Variants in SHC3 observed in about 807,000 individuals in gnomAD.
SHC3 encodes the protein SHC adaptor protein 3.
Under a neutral mutation model 60.4 loss-of-function variants are expected in SHC3, and 15 were observed. That is an observed-to-expected ratio of 0.25 (90% CI 0.17 to 0.38). The LOEUF (loss-of-function observed/expected upper bound fraction) is 0.38. Among genes scored for constraint, SHC3 ranks in the 10% least tolerant of loss-of-function variants. The probability of loss-of-function intolerance (pLI) is 1.00; values close to 1 mark genes in which losing one functional copy is unlikely to be tolerated. For missense variants in SHC3, 677 were observed against 786.1 expected (o/e 0.86, Z 1.66); for synonymous variants, 294 against 325.9 (o/e 0.90, Z 1.05).
intron 10 of SHC3, among the ~76,000 whole-genome samples, chr9:89,040,684 C>G (rs1334202983): frequency 6.6e-6 from 1 of 152,228 alleles, no homozygotes; most frequent in Non-Finnish European, 1.5e-5. Flanking sequence ...AGTGGCTTCA[C>G]ATTTCTCAAG....
chr9:89,136,043 A>C (rs1826314853), intron 1 of SHC3, among the ~76,000 whole-genome samples: 2 of 152,310 alleles, frequency 1.3e-5, no homozygotes, highest in Middle Eastern at 3.4e-3. Flanking sequence ...TCAGAGCTCA[A>C]GAGTCATGAA....
intron 2 of SHC3, chr9:89,110,485 C>A (rs1449205488): frequency 1.0e-6 from 1 of 982,558 alleles, no homozygotes; most frequent in African/African-American, 1.8e-5. Flanking sequence ...CACTTAGTTA[C>A]CATGGAGACC....
At chr9:89,025,720 G>A (rs1201450486) in intron 11 of SHC3, among the ~76,000 whole-genome samples, 1 of 152,162 alleles carries the variant, frequency 6.6e-6, no homozygotes, top group Non-Finnish European at 1.5e-5. Context: ...ATTCCAGCCT[G>A]ACTCTAGCAT....
intron 9 of SHC3, among the ~76,000 whole-genome samples, chr9:89,043,235 G>A (rs1430938354): frequency 6.6e-6 from 1 of 152,196 alleles, no homozygotes; most frequent in Non-Finnish European, 1.5e-5. Flanking sequence ...CAGGCTGTAG[G>A]TGTGAGAATG....
At chr9:89,158,479 A>G (rs1030070545) in intron 1 of SHC3, among the ~76,000 whole-genome samples, 2 of 152,170 alleles carry the variant, frequency 1.3e-5, no homozygotes, top group African/African-American at 4.8e-5. Flanking sequence ...CTTGAAAAGA[A>G]TGTTTACTCT....
At chr9:89,065,418 T>A (rs1258373622) in intron 6 of SHC3, 111 bp downstream of exon 6, 7 of 1,114,344 alleles carry the variant, frequency 6.3e-6, no homozygotes. Flanking sequence ...TAATACAAGA[T>A]GGCACTACTC....
intron 1 of SHC3, among the ~76,000 whole-genome samples, chr9:89,140,085 T>A (rs1484847890): frequency 6.6e-6 from 1 of 152,240 alleles, no homozygotes; most frequent in Non-Finnish European, 1.5e-5. Flanking sequence ...CTAAAAGCCA[T>A]TAGACTTTTT....
intron 1 of SHC3, among the ~76,000 whole-genome samples, chr9:89,154,337 T>C (rs1826591359): frequency 6.6e-6 from 1 of 152,204 alleles, no homozygotes; most frequent in African/African-American, 2.4e-5. Context: ...TTAAGTAAAG[T>C]TGTCCATGTG....
At chr9:89,069,523 G>C (rs1400510713) in intron 5 of SHC3, among the ~76,000 whole-genome samples, 1 of 152,206 alleles carries the variant, frequency 6.6e-6, no homozygotes, top group Non-Finnish European at 1.5e-5. Flanking sequence ...TGACCCTATG[G>C]AATGGCAGAT....
chr9:89,153,421 A>T (rs1442863275), intron 1 of SHC3, among the ~76,000 whole-genome samples: 1 of 152,150 alleles, frequency 6.6e-6, no homozygotes, highest in Non-Finnish European at 1.5e-5. Flanking sequence ...CCCAACATCC[A>T]TGCTGCTCTC....
At chr9:89,084,637 A>AT (rs1825499591) in intron 2 of SHC3, among the ~76,000 whole-genome samples, 1 of 152,152 alleles carries the variant, frequency 6.6e-6, no homozygotes, top group Non-Finnish European at 1.5e-5. Context: ...TCATTGAATT[A>AT]TTTTTTCTCC....
At chr9:89,056,891 A>T (rs113989220) in intron 6 of SHC3, among the ~76,000 whole-genome samples, 144 of 152,362 alleles carry the variant, frequency 9.5e-4, no homozygotes, top group Middle Eastern at 6.8e-3. Context: ...CAAAAAACTT[A>T]TCGGGATCCA....
intron 4 of SHC3, among the ~76,000 whole-genome samples, chr9:89,071,525 C>A (rs944621237): frequency 1.3e-5 from 2 of 152,134 alleles, no homozygotes; most frequent in Non-Finnish European, 2.9e-5. Context: ...GGTGAGGAGC[C>A]AGAACCCAGA....
At chr9:89,068,319 T>C (rs1564117016) in intron 5 of SHC3, among the ~76,000 whole-genome samples, 1 of 152,236 alleles carries the variant, frequency 6.6e-6, no homozygotes, top group Non-Finnish European at 1.5e-5. Flanking sequence ...AATAAAGTTT[T>C]CTAGTCTATC....
chr9:89,159,916 A>C (rs1826679811), intron 1 of SHC3, among the ~76,000 whole-genome samples: 1 of 152,200 alleles, frequency 6.6e-6, no homozygotes, highest in African/African-American at 2.4e-5. Flanking sequence ...AGACACACCC[A>C]GGATCAATAC....
intron 1 of SHC3, among the ~76,000 whole-genome samples, chr9:89,160,645 G>A (rs1034855360): frequency 6.6e-6 from 1 of 152,120 alleles, no homozygotes; most frequent in African/African-American, 2.4e-5. Flanking sequence ...CTTTCTGTTT[G>A]GAAATGTGCT....
intron 7 of SHC3, among the ~76,000 whole-genome samples, chr9:89,050,355 A>G (rs10867151): frequency 0.14 from 21,741 of 152,214 alleles, 1,647 homozygotes; most frequent in Non-Finnish European, 0.16. Context: ...GCACAATCTC[A>G]GCTTACTGCA....
chr9:89,141,890 G>A (rs963700810), intron 1 of SHC3, among the ~76,000 whole-genome samples: 6 of 152,096 alleles, frequency 3.9e-5, no homozygotes, highest in African/African-American at 1.2e-4. Flanking sequence ...AGGCGAAGAG[G>A]TCAGGGAGGC....
At chr9:89,141,399 C>A (rs1439536788) in intron 1 of SHC3, among the ~76,000 whole-genome samples, 3 of 152,180 alleles carry the variant, frequency 2.0e-5, no homozygotes, top group African/African-American at 7.2e-5. Context: ...TTAAGAGTAG[C>A]CTCACAAATC....
Sources: gnomAD v4.1 joint callset for allele counts (sites outside exome capture counted in the v4.1 genomes callset) on GRCh38, gnomAD v4.1.1 for gene constraint, MANE v1.5 for transcripts, NCBI Gene and HGNC (gene_info 2026-07-23, HGNC 2026-07-21) for gene names.